Variants in CPNE2 observed in about 807,000 individuals in gnomAD.
The protein encoded by CPNE2 is copine-2.
In CPNE2, 42 loss-of-function variants were observed where a neutral mutation model predicts 69.7. The observed-to-expected ratio is 0.60, with a 90% confidence interval of 0.47 to 0.78. The LOEUF (loss-of-function observed/expected upper bound fraction) is 0.78, where lower values mean the gene tolerates loss of function less well. Among genes scored for constraint, CPNE2 ranks in the 30% least tolerant of loss-of-function variants. The pLI is 0.00. For missense variants in CPNE2, 587 were observed against 732.0 expected (o/e 0.80, Z 2.29); for synonymous variants, 294 against 289.8 (o/e 1.01, Z -0.15).
chr16:57,094,205 G>GTCACTTCC, intron 1 of CPNE2: 1 of 400,414 alleles, frequency 2.5e-6, no homozygotes, highest in Non-Finnish European at 5.0e-6. Context: ...TTTTGCGGCC[G>GTCACTTCC]TCACTTCCTG....
At chr16:57,113,489 G>A in intron 3 of CPNE2, 22 bp downstream of exon 3, 1 of 1,606,022 alleles carries the variant, frequency 6.2e-7, no homozygotes, top group Non-Finnish European at 8.5e-7. Context: ...CCTCCTGGGT[G>A]GGAGCAGGGG....
intron 1 of CPNE2, among the ~76,000 whole-genome samples, chr16:57,109,242 C>T (rs1310873432): frequency 2.6e-5 from 4 of 152,088 alleles, no homozygotes; most frequent in Non-Finnish European, 1.5e-5. Context: ...TTGGGAGACC[C>T]AGGTGGGTGG....
chr16:57,127,331 G>A (rs2069807635), intron 11 of CPNE2, among the ~76,000 whole-genome samples: 1 of 152,186 alleles, frequency 6.6e-6, no homozygotes, highest in Non-Finnish European at 1.5e-5. Context: ...ATGTGTTTGG[G>A]GAATAGCAAG....
intron 1 of CPNE2, among the ~76,000 whole-genome samples, chr16:57,100,761 A>G (rs1388706172): frequency 6.6e-6 from 1 of 152,286 alleles, no homozygotes; most frequent in East Asian, 1.9e-4. Flanking sequence ...TATTATGGTT[A>G]TCTCTCCATC....
At chr16:57,095,319 A>T (rs2069571585) in intron 1 of CPNE2, among the ~76,000 whole-genome samples, 3 of 152,310 alleles carry the variant, frequency 2.0e-5, no homozygotes, top group Non-Finnish European at 4.4e-5. Flanking sequence ...GTGCCTGAGG[A>T]CAGAGCCCAG....
intron 1 of CPNE2, chr16:57,106,246 C>G (rs1342537239): frequency 6.7e-6 from 1 of 148,916 alleles, no homozygotes; most frequent in Non-Finnish European, 1.5e-5. Flanking sequence ...ATTGCTCACT[C>G]TAGCCAGGGC....
intron 5 of CPNE2, among the ~76,000 whole-genome samples, chr16:57,118,957 A>G (rs975253804): frequency 1.3e-5 from 2 of 151,546 alleles, no homozygotes; most frequent in Non-Finnish European, 2.9e-5. Flanking sequence ...TCTGAGCACA[A>G]GCTCTGACAG....
intron 10 of CPNE2, 115 bp downstream of exon 10, chr16:57,123,588 C>A: frequency 8.8e-7 from 1 of 1,134,166 alleles, no homozygotes; most frequent in Non-Finnish European, 1.3e-6. Flanking sequence ...GGAAGGACTT[C>A]CCTGGGGCAA....
chr16:57,126,274 A>G (rs2069800311), intron 11 of CPNE2, among the ~76,000 whole-genome samples: 1 of 152,182 alleles, frequency 6.6e-6, no homozygotes, highest in South Asian at 2.1e-4. Context: ...AAACTCATTC[A>G]TTATTGCTGC....
chr16:57,101,396 C>G (rs2069612618), intron 1 of CPNE2, among the ~76,000 whole-genome samples: 1 of 152,284 alleles, frequency 6.6e-6, no homozygotes, highest in South Asian at 2.1e-4. Flanking sequence ...ACGTTCCAAC[C>G]CCCCAAAAGT....
In CPNE2 at chr16:57,125,993, G is replaced by A. The variant is rs755490883; in HGVS notation, c.1061G>A (p.Ser354Asn). Residue 354 changes from serine (S) to asparagine (N), a missense_variant and splice_region_variant, in exon 11 of 16, where the codon AGT becomes AAT. Physicochemically the swap from Ser to Asn is conservative, Grantham distance 46 (BLOSUM62 1). Transcript: ENST00000290776. ...GGGCAGATCATTCAGGACTACGACAGGTAAGGTTGGAGAGGGGCTCTGAAG... is the reference window on the plus strand; with the variant it reads ...GGGCAGATCATTCAGGACTACGACAAGTAAGGTTGGAGAGGGGCTCTGAAG... ...AVGQIIQDYDSDKMFPALGFG... is the reference protein window; with the variant it reads ...AVGQIIQDYDNDKMFPALGFG... The A allele has an allele frequency of 6.2e-7, 1 of 1,614,032 alleles. No individual in the cohort carries two copies.
intron 1 of CPNE2, among the ~76,000 whole-genome samples, chr16:57,101,217 G>A (rs574989562): frequency 2.6e-5 from 4 of 152,278 alleles, no homozygotes; most frequent in East Asian, 3.9e-4. Context: ...CCCGACAATC[G>A]CATGAGCTAA....
chr16:57,134,887 G>A, intron 13 of CPNE2, 61 bp downstream of exon 13: 3 of 1,535,302 alleles, frequency 2.0e-6, no homozygotes, highest in Non-Finnish European at 2.7e-6. Flanking sequence ...CAGCTCCCTG[G>A]GTGGAGGGAG....
At chr16:57,095,332 T>A (rs1210460827) in intron 1 of CPNE2, among the ~76,000 whole-genome samples, 1 of 152,216 alleles carries the variant, frequency 6.6e-6, no homozygotes, top group Non-Finnish European at 1.5e-5. Flanking sequence ...GAGCCCAGGT[T>A]AGAGGCGCCT....
At position 57,134,830 on chromosome 16, in the gene CPNE2, A is replaced by C; in HGVS notation, c.1168+4A>C. On this transcript the variant is annotated splice_donor_region_variant and intron_variant, in intron 13 of 15. Coordinates refer to ENST00000290776, the MANE Select transcript of CPNE2 (RefSeq NM_152727.6). ...CCCACCAACCCCTTCTGCTCAGGTGAGTGTCAGACCCACCTGCAGCTGCCC... is the reference window on the plus strand; with the variant it reads ...CCCACCAACCCCTTCTGCTCAGGTGCGTGTCAGACCCACCTGCAGCTGCCC... 1 of 1,613,604 alleles carries C rather than the reference A, an allele frequency of 6.2e-7. No individual in the cohort carries two copies. Among genetic ancestry groups the C allele is most frequent in the Non-Finnish European group, 8.5e-7 (1 of 1,179,794 alleles).
At chr16:57,137,495 G>T (rs769832337) in intron 14 of CPNE2, among the ~76,000 whole-genome samples, 1 of 152,210 alleles carries the variant, frequency 6.6e-6, no homozygotes, top group Non-Finnish European at 1.5e-5. Flanking sequence ...CATTCGTGCT[G>T]AGCAGGAAGC....
intron 10 of CPNE2, chr16:57,123,731 G>A (rs1431837172): frequency 4.7e-5 from 24 of 515,116 alleles, no homozygotes; most frequent in Admixed American, 2.3e-4. Context: ...CTCCTTCTGC[G>A]GGTGGAGGAA....
intron 5 of CPNE2, 36 bp downstream of exon 5, chr16:57,117,603 A>G (rs781265462): frequency 4.4e-6 from 7 of 1,606,530 alleles, no homozygotes; most frequent in Non-Finnish European, 6.0e-6. Context: ...CATTGGGAAC[A>G]GTAGCCCCCA....
intron 11 of CPNE2, 88 bp from the exon 12 acceptor site, chr16:57,127,761 A>G (rs1210746160): frequency 1.6e-5 from 21 of 1,301,484 alleles, no homozygotes; most frequent in Non-Finnish European, 2.3e-5. Context: ...TTGGAAGTGT[A>G]TGAGGCAGAG....
Sources: gnomAD v4.1 joint callset for allele counts (sites outside exome capture counted in the v4.1 genomes callset) on GRCh38, gnomAD v4.1.1 for gene constraint, MANE v1.5 for transcripts, NCBI Gene and HGNC (gene_info 2026-07-23, HGNC 2026-07-21) for gene names.